The following UNC13B variants were observed in gnomAD, a reference collection of about 807,000 sequenced individuals.
The protein encoded by UNC13B is protein unc-13 homolog B.
In UNC13B, 144 loss-of-function variants were observed where a neutral mutation model predicts 211.0. The ratio of observed to expected loss-of-function variants is 0.68; its 90% CI spans 0.60 to 0.78. The LOEUF is 0.78. Ranked by LOEUF, UNC13B falls within the 30% of genes least tolerant of loss-of-function variation. UNC13B has a pLI of 0.00. For missense variants in UNC13B, 1,777 were observed against 2,002.0 expected (o/e 0.89, Z 2.14); for synonymous variants, 709 against 725.8 (o/e 0.98, Z 0.37).
rs549562878 is a variant in UNC13B at position 35,240,569 on chromosome 9, A to G, written c.395-2722A>G. 3.9e-5 allele frequency among the ~76,000 whole-genome samples: 6 copies of G among 152,196 alleles called. No homozygotes were observed. In the South Asian group the frequency reaches 1.2e-3, roughly 32 times the overall value. On this transcript the variant is annotated intron_variant, in intron 5 of 39. Coordinates refer to ENST00000635942, the MANE Select transcript of UNC13B (RefSeq NM_001371189.2). ...AATACCACAGATATTGACCATTTTC[A>G]CCAAATTTTAGTAGATATTCTTGAA...
chr9:35,384,461 C>T, intron 22 of UNC13B, 147 bp downstream of exon 22: 1 of 1,409,166 alleles, frequency 7.1e-7, no homozygotes, highest in Non-Finnish European at 9.3e-7. Context: ...GCTACTGACA[C>T]CTGTGGTTCT....
chr9:35,370,847 C>T (rs1834070290), intron 13 of UNC13B, among the ~76,000 whole-genome samples: 1 of 152,208 alleles, frequency 6.6e-6, no homozygotes, highest in Admixed American at 6.5e-5. Flanking sequence ...TTGAGACTAT[C>T]TCTGTAACCT....
chr9:35,190,964 T>G (rs1822625363), intron 1 of UNC13B, among the ~76,000 whole-genome samples: 2 of 152,122 alleles, frequency 1.3e-5, no homozygotes, highest in Non-Finnish European at 2.9e-5. Context: ...GTATTTTCTT[T>G]TTTCTTTTTT....
intron 1 of UNC13B, among the ~76,000 whole-genome samples, chr9:35,176,437 A>G (rs979216513): frequency 1.3e-5 from 2 of 152,010 alleles, no homozygotes; most frequent in Non-Finnish European, 2.9e-5. Context: ...AATCCCAGCT[A>G]CTCGGGACTC....
At chr9:35,318,583 T>G (rs1176095833) in intron 11 of UNC13B, among the ~76,000 whole-genome samples, 3 of 152,232 alleles carry the variant, frequency 2.0e-5, no homozygotes, top group African/African-American at 7.2e-5. Flanking sequence ...TATTTGGAGA[T>G]CCTTCCATAT....
intron 11 of UNC13B, 143 bp from the exon 12 acceptor site, chr9:35,366,804 G>T: frequency 2.9e-6 from 2 of 682,710 alleles, no homozygotes; most frequent in Non-Finnish European, 5.3e-6. Flanking sequence ...TCAGGACATT[G>T]GTTTAGATGT....
rs557281423 is a variant in UNC13B at position 35,358,267 on chromosome 9, T to G, written c.9415-8680T>G. Among the ~76,000 whole-genome samples the G allele has an allele frequency of 4.7e-5, 7 of 149,684 alleles. 1 individual carries two copies. Among genetic ancestry groups the G allele is most frequent in the Admixed American group, 4.6e-4 (7 of 15,278 alleles). On this transcript the variant is annotated intron_variant, in intron 11 of 39. Transcript: ENST00000635942. ...TTGTGAACAATGCTGCTATAAACAG[T>G]GGTATACAAATATTTTTTGAGTCCC... is the stretch of plus-strand genomic sequence containing the variant.
intron 11 of UNC13B, among the ~76,000 whole-genome samples, chr9:35,318,251 G>A (rs1830563976): frequency 6.6e-6 from 1 of 152,202 alleles, no homozygotes; most frequent in African/African-American, 2.4e-5. Flanking sequence ...AGAAGCCAGA[G>A]TTTAAAGAGG....
At chr9:35,177,394 A>C (rs1336179207) in intron 1 of UNC13B, among the ~76,000 whole-genome samples, 1 of 152,240 alleles carries the variant, frequency 6.6e-6, no homozygotes, top group Non-Finnish European at 1.5e-5. Flanking sequence ...TTATAAACTG[A>C]AAGCACTGGG....
rs1346835167 is a variant in UNC13B at position 35,243,379 on chromosome 9, A to T, written c.468+15A>T. The T allele has an allele frequency of 6.2e-7, 1 of 1,613,022 alleles. No homozygotes were observed. The highest frequency in any genetic ancestry group is 8.5e-7 in the Non-Finnish European group (1 of 1,179,428). On this transcript the variant is annotated intron_variant, in intron 6 of 39. Coordinates refer to ENST00000635942, the MANE Select transcript of UNC13B (RefSeq NM_001371189.2). Reference sequence around the variant, plus strand: ...CTGACAATGAGGTAGGAGCAGCCTTATTTGCAGTATAGAGAGATGGGGGAA... The same window carrying T: ...CTGACAATGAGGTAGGAGCAGCCTTTTTTGCAGTATAGAGAGATGGGGGAA...
At chr9:35,388,037 C>T (rs1252078689) in intron 24 of UNC13B, among the ~76,000 whole-genome samples, 1 of 151,968 alleles carries the variant, frequency 6.6e-6, no homozygotes, top group African/African-American at 2.4e-5. Flanking sequence ...AAGAAAGGGG[C>T]TGGAGGGAAG....
intron 11 of UNC13B, chr9:35,353,504 G>A (rs1832846702): frequency 1.1e-5 from 13 of 1,232,116 alleles, no homozygotes; most frequent in Non-Finnish European, 1.2e-5. Flanking sequence ...GGTCTCTGGT[G>A]GAGTTGGCGT....
Position 35,397,684 on chromosome 9 carries a change from T to A in UNC13B, c.11726T>A (p.Phe3909Tyr). The change falls in exon 30 of 40, where the codon TTC (phenylalanine) becomes TAC (tyrosine). Residue 3909 changes from phenylalanine (F) to tyrosine (Y), a missense_variant. Physicochemically the swap from Phe to Tyr is conservative, Grantham distance 22. Transcript: ENST00000635942. Reference protein sequence around the residue: ...MQYADILSKDFPAYCTKEKLP... With the variant: ...MQYADILSKDYPAYCTKEKLP... ...TATGCAGACATCTTGTCAAAGGACTTCCCAGCCTATTGCACAAAGGAGAAA... is the reference window on the plus strand; with the variant it reads ...TATGCAGACATCTTGTCAAAGGACTACCCAGCCTATTGCACAAAGGAGAAA... 6.2e-7 allele frequency: 1 copy of A among 1,614,108 alleles called. No individual in the cohort carries two copies. The highest frequency in any genetic ancestry group is 8.5e-7 in the Non-Finnish European group (1 of 1,180,004).
At chr9:35,357,399 C>T (rs916733373) in intron 11 of UNC13B, among the ~76,000 whole-genome samples, 1 of 151,878 alleles carries the variant, frequency 6.6e-6, no homozygotes, top group Non-Finnish European at 1.5e-5. Flanking sequence ...TCTATTTAAG[C>T]CTTGGACCAC....
chr9:35,376,506 G>C (rs925456233), intron 15 of UNC13B, among the ~76,000 whole-genome samples: 1 of 152,168 alleles, frequency 6.6e-6, no homozygotes, highest in African/African-American at 2.4e-5. Flanking sequence ...AATCTTATAG[G>C]ATTCAGTTGA....
chr9:35,261,975 A>G (rs776664824), intron 7 of UNC13B, among the ~76,000 whole-genome samples: 1 of 152,222 alleles, frequency 6.6e-6, no homozygotes, highest in Non-Finnish European at 1.5e-5. Flanking sequence ...TTTATGGATA[A>G]ATAGTACTAC....
At chr9:35,261,236 T>C (rs1827255278) in intron 7 of UNC13B, among the ~76,000 whole-genome samples, 1 of 152,154 alleles carries the variant, frequency 6.6e-6, no homozygotes, top group East Asian at 1.9e-4. Context: ...TCTCCATACA[T>C]ACATACACAA....
intron 7 of UNC13B, among the ~76,000 whole-genome samples, chr9:35,269,685 T>A (rs1421348645): frequency 6.6e-6 from 1 of 152,206 alleles, no homozygotes; most frequent in South Asian, 2.1e-4. Flanking sequence ...AGGGGCTTAC[T>A]ATGAATAACA....
rs1410198067 is a variant in UNC13B at position 35,162,093 on chromosome 9, C to T, written c.-191C>T. On this transcript the variant is annotated 5_prime_UTR_variant, in exon 1 of 40. Transcript: ENST00000635942. ...CTGCCGGCCGGTACTCACCGCTACC[C>T]GGAGTTCGCTCAGACGGTGAGATTT... 7.4e-6 allele frequency: 6 copies of T among 815,946 alleles called. No individual in the cohort carries two copies. The highest frequency in any genetic ancestry group is 1.1e-5 in the Non-Finnish European group (6 of 523,534). The allele number at this position is 815,946 out of a possible 1,614,324, so 50.5% of individuals were successfully genotyped here.
Sources: gnomAD v4.1 joint callset for allele counts (sites outside exome capture counted in the v4.1 genomes callset) on GRCh38, gnomAD v4.1.1 for gene constraint, MANE v1.5 for transcripts, NCBI Gene and HGNC (gene_info 2026-07-23, HGNC 2026-07-21) for gene names.